The following ANTXR2 variants were observed in gnomAD, a reference collection of about 807,000 sequenced individuals.
ANTXR2 encodes the protein ANTXR cell adhesion molecule 2.
ANTXR2 carries 44 observed loss-of-function variants against 73.7 expected under a neutral mutation model. The ratio of observed to expected loss-of-function variants is 0.60; its 90% CI spans 0.47 to 0.77. The LOEUF (loss-of-function observed/expected upper bound fraction) is 0.77, where lower values mean the gene tolerates loss of function less well. Ranked by LOEUF, ANTXR2 falls within the 30% of genes least tolerant of loss-of-function variation. The probability of loss-of-function intolerance (pLI) is 0.00; values close to 1 mark genes in which losing one functional copy is unlikely to be tolerated. For synonymous variants in ANTXR2, 217 were observed against 205.9 expected (o/e 1.05, Z -0.46); for missense variants, 604 against 592.5 (o/e 1.02, Z -0.20).
chr4:80,008,634 C>G lies in ANTXR2; in HGVS notation c.946-18G>C. ...CCGTTAGACTAAAGTAGGCAAAAAG[C>G]AAAAACAAAGCAGTCAGCACAGCTT... On this transcript the variant is annotated intron_variant, in intron 11 of 16. Transcript: ENST00000403729. 6.4e-7 allele frequency: 1 copy of G among 1,550,554 alleles called. No homozygotes were observed. Among genetic ancestry groups the G allele is most frequent in the Non-Finnish European group, 8.7e-7 (1 of 1,142,906 alleles).
intron 12 of ANTXR2, among the ~76,000 whole-genome samples, chr4:79,999,162 T>A (rs1730888930): frequency 6.6e-6 from 1 of 152,040 alleles, no homozygotes; most frequent in South Asian, 2.1e-4. Flanking sequence ...TTGATATGGT[T>A]TGGCTCTTTG....
Position 79,966,967 on chromosome 4 carries a change from G to A in ANTXR2, c.1428+10654C>T, listed in dbSNP as rs1430416334. ...CAGGTCTACAGCTCCCAGCGTGAGC[G>A]ACGCAGAAGACGGTGATTTCTGCAT... On this transcript the variant is annotated intron_variant, in intron 16 of 16. Transcript: ENST00000403729. Among the ~76,000 whole-genome samples, 3 of 25,328 alleles carry A rather than the reference G, an allele frequency of 1.2e-4. 1 individual carries two copies. Among genetic ancestry groups the A allele is most frequent in the African/African-American group, 1.7e-4 (3 of 17,334 alleles). 16.6% of individuals were successfully genotyped at this position (25,328 alleles called of 152,430 possible). A position where few individuals can be genotyped will look rare whatever the true frequency, so the allele number is the denominator to read the frequency against.
chr4:80,017,006 T>A (rs926288811), intron 11 of ANTXR2, among the ~76,000 whole-genome samples: 1 of 152,274 alleles, frequency 6.6e-6, no homozygotes, highest in African/African-American at 2.4e-5. Flanking sequence ...TTGCTGCTAC[T>A]CGCAAAGTCT....
At chr4:79,914,939 TAAG>T (rs2109934043) in intron 16 of ANTXR2, among the ~76,000 whole-genome samples, 2 of 152,268 alleles carry the variant, frequency 1.3e-5, no homozygotes, top group Admixed American at 1.3e-4. Context: ...TTCTTCTGTA[TAAG>T]AAGATACAGA....
intron 16 of ANTXR2, among the ~76,000 whole-genome samples, chr4:79,933,516 T>C (rs1728136377): frequency 6.6e-6 from 1 of 152,266 alleles, no homozygotes; most frequent in African/African-American, 2.4e-5. Context: ...GGAAGAAAGA[T>C]ATTGGTTTGG....
chr4:79,909,744 T>G (rs2109926758), intron 16 of ANTXR2, among the ~76,000 whole-genome samples: 1 of 152,286 alleles, frequency 6.6e-6, no homozygotes, highest in South Asian at 2.1e-4. Context: ...TCTTCTCCCC[T>G]TCTAATCATG....
In ANTXR2 at chr4:80,072,718, G is replaced by C; in HGVS notation, c.-158C>G. 7.4e-7 allele frequency: 1 copy of C among 1,348,562 alleles called. No homozygotes were observed. Among genetic ancestry groups the C allele is most frequent in the Non-Finnish European group, 9.5e-7 (1 of 1,055,548 alleles). The allele number at this position is 1,348,562 out of a possible 1,614,324, so 83.5% of individuals were successfully genotyped here. Reference sequence around the variant, plus strand: ...CGGCAGCGGGACCCACCAGCTGACAGGGAGGGAGAGAGGGAGGTCCTGAGA... The same window carrying C: ...CGGCAGCGGGACCCACCAGCTGACACGGAGGGAGAGAGGGAGGTCCTGAGA... On this transcript the variant is annotated 5_prime_UTR_variant, in exon 1 of 17. Transcript: ENST00000403729.
rs184418080 is a variant in ANTXR2 at position 80,025,302 on chromosome 4, G to A, written c.866+6321C>T. On this transcript the variant is annotated intron_variant, in intron 10 of 16. Transcript: ENST00000403729. Reference sequence around the variant, plus strand: ...CATGACTCTTCCAAAACAGGAGAATGGCTCAGTGCCATATGTCATAGCTAT... The same window carrying A: ...CATGACTCTTCCAAAACAGGAGAATAGCTCAGTGCCATATGTCATAGCTAT... Among the ~76,000 whole-genome samples, 7 of 152,220 alleles carry A rather than the reference G, an allele frequency of 4.6e-5. No individual in the cohort carries two copies. The East Asian group carries it at 9.7e-4, about 21-fold the overall frequency.
chr4:79,917,183 C>T (rs1727386367), intron 16 of ANTXR2, among the ~76,000 whole-genome samples: 1 of 151,960 alleles, frequency 6.6e-6, no homozygotes, highest in Admixed American at 6.6e-5. Context: ...TCTTTGAGAG[C>T]CAAGAAGTAG....
intron 12 of ANTXR2, among the ~76,000 whole-genome samples, chr4:79,994,813 T>C (rs2110036098): frequency 6.6e-6 from 1 of 152,166 alleles, no homozygotes; most frequent in East Asian, 1.9e-4. Flanking sequence ...CTTTATCTAA[T>C]ATAAACTGCA....
intron 16 of ANTXR2, among the ~76,000 whole-genome samples, chr4:79,916,607 T>C (rs1258608968): frequency 6.6e-6 from 1 of 152,096 alleles, no homozygotes; most frequent in African/African-American, 2.4e-5. Flanking sequence ...TTATGAATAT[T>C]GTAGCATTAC....
At chr4:80,027,114 T>G (rs2110077684) in intron 10 of ANTXR2, among the ~76,000 whole-genome samples, 2 of 152,232 alleles carry the variant, frequency 1.3e-5, no homozygotes, top group Non-Finnish European at 2.9e-5. Flanking sequence ...TGTCTTAATA[T>G]CCATGATTTT....
chr4:80,058,524 C>G (rs903275017), intron 3 of ANTXR2, among the ~76,000 whole-genome samples: 12 of 151,964 alleles, frequency 7.9e-5, no homozygotes, highest in African/African-American at 2.9e-4. Context: ...AAACAAAGGC[C>G]AAAACAAGAC....
intron 12 of ANTXR2, among the ~76,000 whole-genome samples, chr4:79,989,107 CA>C (rs763282034): frequency 5.3e-5 from 8 of 151,812 alleles, no homozygotes; most frequent in Non-Finnish European, 1.0e-4. Context: ...ATGAGTAAAC[CA>C]ACCCCAAAGC....
Position 80,023,521 on chromosome 4 carries a change from G to A in ANTXR2, c.867-4545C>T, listed in dbSNP as rs531426974. ...TACAATGTAAATAAAAGGAAGCCCC[G>A]TAAACAATTACAAAAGAATGCGATA... On this transcript the variant is annotated intron_variant, in intron 10 of 16. Coordinates refer to ENST00000403729, the MANE Select transcript of ANTXR2 (RefSeq NM_058172.6). Among the ~76,000 whole-genome samples the A allele has an allele frequency of 1.4e-4, 21 of 152,286 alleles. No individual in the cohort carries two copies. The South Asian group carries it at 2.5e-3, about 18-fold the overall frequency.
At chr4:79,918,112 A>G (rs1727426655) in intron 16 of ANTXR2, among the ~76,000 whole-genome samples, 1 of 152,122 alleles carries the variant, frequency 6.6e-6, no homozygotes, top group Admixed American at 6.6e-5. Flanking sequence ...TAGAACGGAC[A>G]CAGCAGAAGA....
intron 12 of ANTXR2, among the ~76,000 whole-genome samples, chr4:79,994,033 G>T (rs921112294): frequency 6.6e-6 from 1 of 151,652 alleles, no homozygotes; most frequent in Admixed American, 6.6e-5. Context: ...AATGAATGGT[G>T]CTCAGACAAA....
chr4:79,985,236 G>A (rs1351765878), intron 12 of ANTXR2, among the ~76,000 whole-genome samples: 2 of 151,982 alleles, frequency 1.3e-5, no homozygotes, highest in Non-Finnish European at 2.9e-5. Context: ...TGTAGTCCCA[G>A]CTACTTGCGA....
chr4:80,009,380 C>T (rs1241477930), intron 11 of ANTXR2, among the ~76,000 whole-genome samples: 1 of 152,162 alleles, frequency 6.6e-6, no homozygotes, highest in Non-Finnish European at 1.5e-5. Context: ...TTTGATTAAA[C>T]AACTCATATT....
Sources: gnomAD v4.1 joint callset for allele counts (sites outside exome capture counted in the v4.1 genomes callset) on GRCh38, gnomAD v4.1.1 for gene constraint, MANE v1.5 for transcripts, NCBI Gene and HGNC (gene_info 2026-07-23, HGNC 2026-07-21) for gene names.